WRNIP1: variants seen among roughly 807,000 people sequenced by gnomAD.
WRNIP1 encodes the protein WRN helicase interacting protein 1.
WRNIP1 carries 41 observed loss-of-function variants against 56.1 expected under a neutral mutation model. That is an observed-to-expected ratio of 0.73 (90% CI 0.57 to 0.95). The LOEUF (loss-of-function observed/expected upper bound fraction) is 0.95, where lower values mean the gene tolerates loss of function less well. Among genes scored for constraint, WRNIP1 ranks in the 40% least tolerant of loss-of-function variants. The probability of loss-of-function intolerance (pLI) is 0.00; values close to 1 mark genes in which losing one functional copy is unlikely to be tolerated. For missense variants in WRNIP1, 1,170 were observed against 939.4 expected (o/e 1.25, Z -3.21); for synonymous variants, 547 against 398.1 (o/e 1.37, Z -4.45).
Position 2,766,378 on chromosome 6 carries a change from G to A in WRNIP1, c.756G>A (p.Leu252=). Residue 252 remains leucine, a synonymous_variant, in exon 1 of 7, where the codon CTG becomes CTA. Coordinates refer to ENST00000380773, the MANE Select transcript of WRNIP1 (RefSeq NM_020135.3). ...AGGCCGTGGGCCAGGATACCCTGCT[G>A]CGCTCGCTCCTGGAGACCAACGAAA... is the stretch of plus-strand genomic sequence containing the variant. ...QSKAVGQDTL[L]RSLLETNEIP... 6.2e-7 allele frequency: 1 copy of A among 1,609,048 alleles called. No individual in the cohort carries two copies. The highest frequency in any genetic ancestry group is 8.5e-7 in the Non-Finnish European group (1 of 1,178,160).
At chr6:2,778,085 A>G (rs1023199747) in intron 3 of WRNIP1, among the ~76,000 whole-genome samples, 1 of 152,178 alleles carries the variant, frequency 6.6e-6, no homozygotes, top group Non-Finnish European at 1.5e-5. Context: ...TATTTGGGTT[A>G]CTCAGTGAGC....
At chr6:2,784,484 C>T (rs1449649791) in intron 6 of WRNIP1, 81 bp downstream of exon 6, 6 of 1,417,196 alleles carry the variant, frequency 4.2e-6, no homozygotes, top group East Asian at 2.4e-5. Context: ...AATAAATGTC[C>T]CTCCTTCACC....
chr6:2,776,001 T>TA (rs1049825068), intron 3 of WRNIP1, among the ~76,000 whole-genome samples: 1 of 152,238 alleles, frequency 6.6e-6, no homozygotes, highest in African/African-American at 2.4e-5. Flanking sequence ...ACTTTATAAA[T>TA]ATATGCTTAA....
At chr6:2,775,341 A>T (rs1242437893) in intron 3 of WRNIP1, among the ~76,000 whole-genome samples, 1 of 152,152 alleles carries the variant, frequency 6.6e-6, no homozygotes, top group African/African-American at 2.4e-5. Context: ...CTGCCCCTGG[A>T]GATTTGAGCT....
chr6:2,782,747 A>G (rs1288376542), intron 4 of WRNIP1, among the ~76,000 whole-genome samples: 1 of 152,154 alleles, frequency 6.6e-6, no homozygotes, highest in Non-Finnish European at 1.5e-5. Context: ...CACTGATTTC[A>G]TGTGAATCTA....
At chr6:2,771,091 G>T (rs1168568652) in intron 3 of WRNIP1, among the ~76,000 whole-genome samples, 1 of 151,986 alleles carries the variant, frequency 6.6e-6, no homozygotes, top group African/African-American at 2.4e-5. Flanking sequence ...TCATACGTTG[G>T]CTGAAATACT....
intron 3 of WRNIP1, chr6:2,772,954 A>T (rs1043604747): frequency 8.1e-6 from 8 of 985,120 alleles, no homozygotes; most frequent in South Asian, 4.7e-5. Context: ...ATTGGTGTGC[A>T]TTTGTATTCT....
intron 3 of WRNIP1, chr6:2,774,049 C>T (rs961757283): frequency 2.0e-6 from 2 of 985,218 alleles, no homozygotes; most frequent in African/African-American, 1.7e-5. Context: ...CTTAAATAAC[C>T]TTTTGTGCCA....
chr6:2,771,878 T>C (rs1284417641), intron 3 of WRNIP1, among the ~76,000 whole-genome samples: 2 of 152,230 alleles, frequency 1.3e-5, no homozygotes, highest in Non-Finnish European at 2.9e-5. Flanking sequence ...CTGTGTGTTC[T>C]TTGCTCTGTG....
chr6:2,765,909 G>A lies in WRNIP1; in HGVS notation c.287G>A (p.Gly96Asp), dbSNP rs867170210. The change falls in exon 1 of 7, where the codon GGT (glycine) becomes GAT (aspartate). Residue 96 changes from glycine (G) to aspartate (D), a missense_variant. Transcript: ENST00000380773. ...PTAAESSEGE[G>D]EEGDDGGETE... ...GCAGCCGAGAGCAGCGAGGGCGAGGGTGAGGAGGGCGACGACGGCGGCGAG... is the reference window on the plus strand; with the variant it reads ...GCAGCCGAGAGCAGCGAGGGCGAGGATGAGGAGGGCGACGACGGCGGCGAG... 4.1e-6 allele frequency: 6 copies of A among 1,455,116 alleles called. No homozygotes were observed. The highest frequency in any genetic ancestry group is 4.5e-6 in the Non-Finnish European group (5 of 1,104,910). The allele number at this position is 1,455,116 out of a possible 1,614,324, so 90.1% of individuals were successfully genotyped here. A position where few individuals can be genotyped will look rare whatever the true frequency, so the allele number is the denominator to read the frequency against.
At chr6:2,783,673 G>GCCCCCCCC in intron 5 of WRNIP1, 112 bp downstream of exon 5, 5 of 404,228 alleles carry the variant, frequency 1.2e-5, no homozygotes, top group East Asian at 4.9e-5. Context: ...GGTGGGCGGG[G>GCCCCCCCC]GTAGCAGGAA....
chr6:2,765,859 G>T lies in WRNIP1; in HGVS notation c.237G>T (p.Ala79=). The part of the protein sequence containing the change: ...AKRRRLSESS[A]LKQPATPTAA... ...GGCGGCGGCTGTCGGAGAGCTCGGC[G>T]CTGAAGCAGCCAGCCACCCCGACGG... The change falls in exon 1 of 7, where the codon GCG becomes GCT. Residue 79 remains alanine, a synonymous_variant. Coordinates refer to ENST00000380773, the MANE Select transcript of WRNIP1 (RefSeq NM_020135.3). The T allele has an allele frequency of 6.9e-7, 1 of 1,440,784 alleles. No homozygotes were observed. Among genetic ancestry groups the T allele is most frequent in the African/African-American group, 1.5e-5 (1 of 67,866 alleles). The allele number at this position is 1,440,784 out of a possible 1,614,324, so 89.2% of individuals were successfully genotyped here. A position where few individuals can be genotyped will look rare whatever the true frequency, so the allele number is the denominator to read the frequency against.
intron 5 of WRNIP1, 22 bp downstream of exon 5, chr6:2,783,583 C>T (rs758834058): frequency 4.5e-5 from 65 of 1,432,652 alleles, no homozygotes; most frequent in African/African-American, 3.7e-4. Flanking sequence ...GGGAGGGTCC[C>T]GGAGTCCTAT....
rs749904138 is a variant in WRNIP1, at chr6:2,770,346, G to C, written c.1241G>C (p.Ser414Thr). The change falls in exon 3 of 7, where the codon AGC becomes ACC. Residue 414 changes from serine to threonine, a missense_variant. Ser to Thr is a moderately conservative substitution (Grantham distance 58, BLOSUM62 1). Coordinates refer to ENST00000380773, the MANE Select transcript of WRNIP1 (RefSeq NM_020135.3). Reference protein sequence around the residue: ...SRPTDPLSHSSNSSSEPAMFI... With the variant: ...SRPTDPLSHSTNSSSEPAMFI... ...CCCACTGACCCTCTGAGCCACAGCA[G>C]CAACAGCAGCTCAGAGTAAGTTGAC... 17 of 1,614,188 alleles carry C rather than the reference G, an allele frequency of 1.1e-5. No homozygotes were observed. In the East Asian group the frequency reaches 3.3e-4, roughly 32 times the overall value.
At position 2,766,595 on chromosome 6, in the gene WRNIP1, T is replaced by C. The variant is rs141011025; in HGVS notation, c.822+151T>C. ...ACTTGGGCTGGGCTGGGGCAGTGCC[T>C]GGTCCACAGGTGGAGTCTGTGATGG... On this transcript the variant is annotated intron_variant, in intron 1 of 6. Transcript: ENST00000380773. The C allele has an allele frequency of 2.0e-3, 2,683 of 1,354,748 alleles. 3 individuals carry two copies. The highest frequency in any genetic ancestry group is 2.4e-3 in the Non-Finnish European group (2,518 of 1,045,680). 83.9% of individuals were successfully genotyped at this position (1,354,748 alleles called of 1,614,324 possible).
chr6:2,773,716 G>GA, intron 3 of WRNIP1: 1 of 984,516 alleles, frequency 1.0e-6, no homozygotes, highest in Middle Eastern at 5.2e-4. Context: ...TTGCTGCTTT[G>GA]AAGGAATATA....
chr6:2,776,088 G>A (rs191662500), intron 3 of WRNIP1, among the ~76,000 whole-genome samples: 47 of 152,228 alleles, frequency 3.1e-4, no homozygotes, highest in Admixed American at 1.2e-3. Flanking sequence ...AGTTTGTGCC[G>A]CAGTTTGCTG....
Position 2,765,743 on chromosome 6 carries a change from C to T in WRNIP1, c.121C>T (p.Leu41=), listed in dbSNP as rs1467108258. The T allele has an allele frequency of 3.3e-6, 5 of 1,510,218 alleles. No homozygotes were observed. The highest frequency in any genetic ancestry group is 2.9e-5 in the African/African-American group (2 of 69,488). The allele number at this position is 1,510,218 out of a possible 1,614,324, so 93.6% of individuals were successfully genotyped here. A position where few individuals can be genotyped will look rare whatever the true frequency, so the allele number is the denominator to read the frequency against. Residue 41 remains leucine, a synonymous_variant, in exon 1 of 7, where the codon CTG becomes TTG. Coordinates refer to ENST00000380773, the MANE Select transcript of WRNIP1 (RefSeq NM_020135.3). The part of the protein sequence containing the change: ...HINSHLDRCL[L]LHPAGHAEPA... The stretch of plus-strand genomic sequence containing the variant: ...CAACTCGCACCTGGACCGCTGTCTG[C>T]TGCTCCACCCGGCGGGGCACGCGGA...
At position 2,766,429 on chromosome 6, in the gene WRNIP1, G is replaced by A. The variant is rs769863578; in HGVS notation, c.807G>A (p.Pro269=). The change falls in exon 1 of 7, where the codon CCG becomes CCA. Residue 269 remains proline, a synonymous_variant. Transcript: ENST00000380773. ...TCCCCTCGCTTATCCTGTGGGGGCC[G>A]CCGGGCTGCGGCAAGGTGAGTGCGG... ...NEIPSLILWG[P]PGCGKTTLAH... The A allele has an allele frequency of 3.2e-6, 5 of 1,574,340 alleles. No homozygotes were observed. The highest frequency in any genetic ancestry group is 1.7e-4 in the Middle Eastern group (1 of 5,944).
Sources: allele counts gnomAD v4.1 joint callset (sites outside exome capture counted in the v4.1 genomes callset), GRCh38; gene constraint gnomAD v4.1.1; transcripts MANE v1.5; gene names NCBI Gene and HGNC (gene_info 2026-07-23, HGNC 2026-07-21).